The following HAX1 variants were observed in gnomAD, a reference collection of about 807,000 sequenced individuals.
HAX1 encodes HCLS1-associated protein X-1.
A neutral mutation model predicts 31.1 loss-of-function variants in HAX1; 27 were observed. That is an observed-to-expected ratio of 0.87 (90% CI 0.64 to 1.20). HAX1 has a LOEUF of 1.20. Ranked by LOEUF, HAX1 falls within the 50% of genes most tolerant of loss-of-function variation. The pLI, the probability that HAX1 is intolerant of heterozygous loss-of-function variation, is 0.00. For missense variants in HAX1, 357 were observed against 361.6 expected, an observed-to-expected ratio of 0.99 and a Z score of 0.10; for synonymous variants, 114 against 124.1, an observed-to-expected ratio of 0.92 and a Z score of 0.54.
chr1:154,272,798 A>C, intron 1 of HAX1, 22 bp downstream of exon 1: 1 of 1,611,654 alleles, frequency 6.2e-7, no homozygotes, highest in South Asian at 1.1e-5. Context: ...TCCGGCTCGG[A>C]CAAGGGTGGG....
chr1:154,273,089 AC>A, intron 1 of HAX1: 1 of 598,810 alleles, frequency 1.7e-6, no homozygotes, highest in Non-Finnish European at 2.9e-6. Flanking sequence ...ACTGGGGCAC[AC>A]TGAAGAAAAA....
In HAX1 at chr1:154,273,883, G is replaced by C. The variant is rs751652704; in HGVS notation, c.426G>C (p.Gly142=). ...ATAGTCACCAGCCCAGGATCTTTGG[G>C]GGGGTCTTGGAGAGTGATGCAAGAA... ...YPDSHQPRIF[G]GVLESDARSE... Residue 142 remains glycine, a synonymous_variant, in exon 3 of 7, where the codon GGG becomes GGC. Coordinates refer to ENST00000328703, the MANE Select transcript of HAX1 (RefSeq NM_006118.4). 1.2e-6 allele frequency: 2 copies of C among 1,614,140 alleles called. No homozygotes were observed. Among genetic ancestry groups the C allele is most frequent in the Non-Finnish European group, 1.7e-6 (2 of 1,180,024 alleles).
At chr1:154,272,893 C>A in intron 1 of HAX1, 117 bp downstream of exon 1, 2 of 892,038 alleles carry the variant, frequency 2.2e-6, no homozygotes, top group Non-Finnish European at 3.6e-6. Context: ...GCAGAGAGGA[C>A]AGAAGTCGCA....
rs769634644 is a variant in HAX1, at chr1:154,272,739, C to T, written c.16C>T (p.Leu6Phe). The T allele has an allele frequency of 3.1e-6, 5 of 1,614,182 alleles. No homozygotes were observed. The highest frequency in any genetic ancestry group is 4.2e-6 in the Non-Finnish European group (5 of 1,180,042). MSLFD[L>F]FRGFFGFPGP... ...CAGTACGGGAATGAGCCTCTTTGATCTCTTCCGGGGCTTTTTCGGCTTTCC... is the reference window on the plus strand; with the variant it reads ...CAGTACGGGAATGAGCCTCTTTGATTTCTTCCGGGGCTTTTTCGGCTTTCC... The change falls in exon 1 of 7, where the codon CTC becomes TTC. Residue 6 changes from leucine to phenylalanine, a missense_variant. Leu to Phe is a conservative substitution (Grantham distance 22, BLOSUM62 0). Transcript: ENST00000328703.
intron 1 of HAX1, 35 bp downstream of exon 1, chr1:154,272,811 T>A: frequency 6.3e-7 from 1 of 1,592,160 alleles, no homozygotes; most frequent in Non-Finnish European, 8.6e-7. Context: ...AGGGTGGGGG[T>A]CGTCTGAGGG....
intron 1 of HAX1, 179 bp from the exon 2 acceptor site, chr1:154,273,157 A>G (rs1195853654): frequency 1.5e-6 from 1 of 656,682 alleles, no homozygotes; most frequent in African/African-American, 1.8e-5. Context: ...GATTAAAAAA[A>G]AAAAAAAAAA....
intron 1 of HAX1, 133 bp downstream of exon 1, chr1:154,272,909 G>C: frequency 1.3e-6 from 1 of 773,526 alleles, no homozygotes; most frequent in East Asian, 2.7e-5. Flanking sequence ...TCGCAACATT[G>C]AACACTCACC....
Position 154,272,734 on chromosome 1 carries a change from T to A in HAX1, c.11T>A (p.Phe4Tyr). Residue 4 changes from phenylalanine to tyrosine, a missense_variant, in exon 1 of 7, where the codon TTT becomes TAT. Transcript: ENST00000328703. MSL[F>Y]DLFRGFFGFP... is the part of the protein sequence containing the mutation. ...CGTCCCAGTACGGGAATGAGCCTCTTTGATCTCTTCCGGGGCTTTTTCGGC... is the reference window on the plus strand; with the variant it reads ...CGTCCCAGTACGGGAATGAGCCTCTATGATCTCTTCCGGGGCTTTTTCGGC... 1 of 1,614,182 alleles carries A rather than the reference T, an allele frequency of 6.2e-7. No individual in the cohort carries two copies.
chr1:154,273,032 A>G (rs1380127921), intron 1 of HAX1: 2 of 606,164 alleles, frequency 3.3e-6, no homozygotes, highest in Admixed American at 5.8e-5. Flanking sequence ...GGGTCTGGGG[A>G]ATAAGACAGT....
intron 1 of HAX1, 185 bp from the exon 2 acceptor site, chr1:154,273,150 TA>T (rs373573437): frequency 0.19 from 98,360 of 513,464 alleles, 174 homozygotes; most frequent in East Asian, 0.21. Context: ...TGACTTTGAT[TA>T]AAAAAAAAAA....
In HAX1 at chr1:154,275,260, G is replaced by T; in HGVS notation, c.663G>T (p.Gly221=). 2 of 1,604,372 alleles carry T rather than the reference G, an allele frequency of 1.2e-6. No individual in the cohort carries two copies. The highest frequency in any genetic ancestry group is 1.7e-6 in the Non-Finnish European group (2 of 1,171,146). The change falls in exon 5 of 7, where the codon GGG becomes GGT. Residue 221 remains glycine (G), a splice_region_variant and synonymous_variant. Transcript: ENST00000328703. ...ISVTKITKPD[G]IVEERRTVVD... is the part of the protein sequence containing the mutation. ...TGACCAAGATCACTAAACCAGATGG[G>T]GTGAGTTGAAAGAAAGAGGTAAAGG...
chr1:154,273,763 C>T lies in HAX1; in HGVS notation c.317-11C>T. 2 of 1,614,152 alleles carry T rather than the reference C, an allele frequency of 1.2e-6. No individual in the cohort carries two copies. Among genetic ancestry groups the T allele is most frequent in the Non-Finnish European group, 8.5e-7 (1 of 1,180,026 alleles). ...TTCCCATCCCAGCAAACACCTGCCA[C>T]CTTTCTGCAGAACTTCCAGGTCCTG... On this transcript the variant is annotated splice_polypyrimidine_tract_variant and intron_variant, in intron 2 of 6. Coordinates refer to ENST00000328703, the MANE Select transcript of HAX1 (RefSeq NM_006118.4).
At position 154,272,741 on chromosome 1, in the gene HAX1, C is replaced by T. The variant is rs375735851; in HGVS notation, c.18C>T (p.Leu6=). 44 of 1,614,084 alleles carry T rather than the reference C, an allele frequency of 2.7e-5. No individual in the cohort carries two copies. Among genetic ancestry groups the T allele is most frequent in the Non-Finnish European group, 3.6e-5 (43 of 1,180,044 alleles). Residue 6 remains leucine (L), a synonymous_variant, in exon 1 of 7, where the codon CTC becomes CTT. Transcript: ENST00000328703. The part of the protein sequence containing the change: MSLFD[L]FRGFFGFPGP... ...GTACGGGAATGAGCCTCTTTGATCT[C>T]TTCCGGGGCTTTTTCGGCTTTCCTG...
At chr1:154,273,171 A>T in intron 1 of HAX1, 165 bp from the exon 2 acceptor site, 2 of 678,618 alleles carry the variant, frequency 2.9e-6, no homozygotes, top group South Asian at 1.9e-5. Flanking sequence ...AAAAAAAAAA[A>T]GAACTGTCAG....
chr1:154,274,898 TC>T lies in HAX1; in HGVS notation c.505-51del, dbSNP rs1684897955. 4.8e-5 allele frequency: 67 copies of T among 1,398,784 alleles called. No homozygotes were observed. The South Asian group carries it at 7.8e-4, about 16-fold the overall frequency. 86.6% of individuals were successfully genotyped at this position (1,398,784 alleles called of 1,614,324 possible). ...GGAGTAGTTTGAGGTCTATGACCTT[TC>T]AAATTTCAGATTGGAAGGAGTCTTT... On this transcript the variant is annotated intron_variant, in intron 3 of 6. Transcript: ENST00000328703.
At position 154,272,736 on chromosome 1, in the gene HAX1, G is replaced by C; in HGVS notation, c.13G>C (p.Asp5His). The stretch of plus-strand genomic sequence containing the variant: ...TCCCAGTACGGGAATGAGCCTCTTT[G>C]ATCTCTTCCGGGGCTTTTTCGGCTT... MSLF[D>H]LFRGFFGFPG... The change falls in exon 1 of 7, where the codon GAT becomes CAT. Residue 5 changes from aspartate (D) to histidine (H), a missense_variant. Coordinates refer to ENST00000328703, the MANE Select transcript of HAX1 (RefSeq NM_006118.4). 2 of 1,614,210 alleles carry C rather than the reference G, an allele frequency of 1.2e-6. No individual in the cohort carries two copies. The highest frequency in any genetic ancestry group is 2.2e-5 in the South Asian group (2 of 91,070).
chr1:154,275,160 A>ATTCCCAGGT lies in HAX1; in HGVS notation c.572_580dup (p.Val191_Gln193dup). 1 of 1,605,744 alleles carries ATTCCCAGGT rather than the reference A, an allele frequency of 6.2e-7. No homozygotes were observed. Among genetic ancestry groups the ATTCCCAGGT allele is most frequent in the Non-Finnish European group, 8.5e-7 (1 of 1,172,556 alleles). ...CATCTCTCTGCTCTTCCAGATCTTG[A>ATTCCCAGGT]TTCCCAGGTTTCCCAGGAGGGTCTT... On this transcript the variant is annotated inframe_insertion, in exon 5 of 7. Transcript: ENST00000328703.
Position 154,275,789 on chromosome 1 carries a change from G to T in HAX1, c.*88G>T, listed in dbSNP as rs977251270. On this transcript the variant is annotated 3_prime_UTR_variant, in exon 7 of 7. Transcript: ENST00000328703. ...AAGCTTAGCTTCTCTTGCCACCTCA[G>T]GGGCTTGGATATGTGGAATAGTGAA... 4.6e-6 allele frequency: 4 copies of T among 878,704 alleles called. No individual in the cohort carries two copies. Among genetic ancestry groups the T allele is most frequent in the Middle Eastern group, 2.3e-4 (1 of 4,438 alleles). 54.4% of individuals were successfully genotyped at this position (878,704 alleles called of 1,614,324 possible).
At chr1:154,275,049 G>C in intron 4 of HAX1, 48 bp downstream of exon 4, 1 of 1,518,876 alleles carries the variant, frequency 6.6e-7, no homozygotes, top group South Asian at 1.1e-5. Context: ...TTATTCTTCT[G>C]AAGTTCTGTG....
Sources: allele counts gnomAD v4.1 joint callset, GRCh38; gene constraint gnomAD v4.1.1; transcripts MANE v1.5; gene names NCBI Gene and HGNC (gene_info 2026-07-23, HGNC 2026-07-21).